TENM3: variants seen among roughly 807,000 people sequenced by gnomAD.
The protein encoded by TENM3 is teneurin transmembrane protein 3.
In TENM3, 63 loss-of-function variants were observed where a neutral mutation model predicts 255.1. The ratio of observed to expected loss-of-function variants is 0.25; its 90% CI spans 0.20 to 0.30. The LOEUF is 0.30. Among genes scored for constraint, TENM3 ranks in the 10% least tolerant of loss-of-function variants. The pLI, the probability that TENM3 is intolerant of heterozygous loss-of-function variation, is 1.00. For missense variants in TENM3, 2,929 were observed against 3,461.1 expected, an observed-to-expected ratio of 0.85 and a Z score of 3.86; for synonymous variants, 1,306 against 1,322.3, an observed-to-expected ratio of 0.99 and a Z score of 0.27.
chr4:181,830,266 T>TTTTG, the TENM3 span, among the ~76,000 whole-genome samples: 4 of 152,036 alleles, frequency 2.6e-5, no homozygotes, highest in African/African-American at 7.2e-5. Context: ...TTTTTTGTTT[T>TTTTG]TTTGTTTGTT....
rs187989168 is a variant in TENM3, at chr4:182,403,492, C to T, written c.511+56563C>T. Among the ~76,000 whole-genome samples, 680 of 152,242 alleles carry T rather than the reference C, an allele frequency of 4.5e-3. 4 individuals are homozygous for T. The highest frequency in any genetic ancestry group is 7.0e-3 in the Non-Finnish European group (478 of 68,016). On this transcript the variant is annotated intron_variant, in intron 3 of 27. Transcript: ENST00000511685. ...ATGTTATGTCTCAAAGAATTTTAGACAGATAGGGACACACTATCTGATGGT... is the reference window on the plus strand; with the variant it reads ...ATGTTATGTCTCAAAGAATTTTAGATAGATAGGGACACACTATCTGATGGT...
chr4:181,730,351 C>A, the TENM3 span, among the ~76,000 whole-genome samples: 2 of 152,152 alleles, frequency 1.3e-5, no homozygotes, highest in African/African-American at 4.8e-5. Context: ...AATGCATGTC[C>A]TTTCCACAAT....
At chr4:182,465,642 A>T (rs911262981) in intron 3 of TENM3, among the ~76,000 whole-genome samples, 2 of 152,132 alleles carry the variant, frequency 1.3e-5, no homozygotes, top group Admixed American at 6.6e-5. Context: ...AGCTATTTAT[A>T]AAAAAAGTAT....
At chr4:182,241,457 A>G (rs1451371266), upstream of TENM3, among the ~76,000 whole-genome samples, 1 of 137,346 alleles carries the variant, frequency 7.3e-6, no homozygotes, top group African/African-American at 3.2e-5. Flanking sequence ...CCTTGGCTCC[A>G]TTAATTTTTT....
the TENM3 span, among the ~76,000 whole-genome samples, chr4:181,955,575 G>A: frequency 1.3e-5 from 2 of 152,172 alleles, no homozygotes; most frequent in African/African-American, 4.8e-5. Context: ...AGTGATAAAA[G>A]GATGGTCTGA....
chr4:182,567,945 T>G (rs1277368424), intron 3 of TENM3, among the ~76,000 whole-genome samples: 1 of 152,192 alleles, frequency 6.6e-6, no homozygotes, highest in East Asian at 1.9e-4. Flanking sequence ...TCAAAAGTAT[T>G]TCTTCATAGA....
chr4:182,303,762 T>C lies in TENM3; in HGVS notation c.-75-20184T>C, dbSNP rs564848824. The stretch of plus-strand genomic sequence containing the variant: ...TAAGGCATGTAAAGTGGACATTTAA[T>C]GAGGTACTCAATACATTTTAGCTAT... On this transcript the variant is annotated intron_variant, in intron 1 of 27. Transcript: ENST00000511685. 1.2e-4 allele frequency among the ~76,000 whole-genome samples: 19 copies of C among 152,340 alleles called. No homozygotes were observed. In the South Asian group the frequency reaches 3.1e-3, roughly 25 times the overall value.
chr4:181,829,012 G>A, the TENM3 span, among the ~76,000 whole-genome samples: 337 of 152,286 alleles, frequency 2.2e-3, no homozygotes, highest in African/African-American at 7.7e-3. Context: ...CCCCAGCCAA[G>A]GTGACATGGA....
the TENM3 span, among the ~76,000 whole-genome samples, chr4:181,451,882 A>G: frequency 6.6e-6 from 1 of 152,152 alleles, no homozygotes; most frequent in East Asian, 1.9e-4. Flanking sequence ...AGAATAGTGA[A>G]TGAGATTGCT....
At chr4:181,608,137 T>G in the TENM3 span, among the ~76,000 whole-genome samples, 2 of 152,216 alleles carry the variant, frequency 1.3e-5, no homozygotes, top group African/African-American at 4.8e-5. Context: ...TCTTGTTTCT[T>G]TAGAGGTAAG....
chr4:182,448,827 G>A (rs529916012), intron 3 of TENM3, among the ~76,000 whole-genome samples: 82 of 151,630 alleles, frequency 5.4e-4, no homozygotes, highest in Middle Eastern at 3.5e-3. Flanking sequence ...GAGGGGGTGA[G>A]GCGGCGGCCG....
rs1579867164 is a variant in TENM3 at position 182,243,941 on chromosome 4, G to GTTTTCT, written c.-76+470_-76+475dup. 8.4e-5 allele frequency among the ~76,000 whole-genome samples: 9 copies of GTTTTCT among 107,404 alleles called. No homozygotes were observed. The East Asian group carries it at 2.0e-3, about 24-fold the overall frequency. The allele number at this position is 107,404 out of a possible 152,430, so 70.5% of individuals were successfully genotyped here. On this transcript the variant is annotated intron_variant, in intron 1 of 27. Transcript: ENST00000511685. ...CTCTTCCAAGAATGGAATCATTTGT[G>GTTTTCT]TTTTCTTTTTTTTTTTTTTTTTTTT... is the stretch of plus-strand genomic sequence containing the variant.
the TENM3 span, among the ~76,000 whole-genome samples, chr4:181,919,057 G>T: frequency 6.6e-6 from 1 of 152,084 alleles, no homozygotes; most frequent in Non-Finnish European, 1.5e-5. Context: ...CCACCTCAAA[G>T]GTATGAAACA....
chr4:182,345,131 T>G (rs1033851585), intron 2 of TENM3, among the ~76,000 whole-genome samples: 8 of 152,218 alleles, frequency 5.3e-5, no homozygotes, highest in African/African-American at 1.9e-4. Context: ...ATGAGTGTCA[T>G]TGTCGGAATC....
intron 3 of TENM3, among the ~76,000 whole-genome samples, chr4:182,450,220 T>A (rs1773333685): frequency 6.6e-6 from 1 of 152,224 alleles, no homozygotes; most frequent in Non-Finnish European, 1.5e-5. Flanking sequence ...TTCTCTGGTT[T>A]TAAATGTTTC....
chr4:181,508,377 C>T, the TENM3 span, among the ~76,000 whole-genome samples: 134 of 152,254 alleles, frequency 8.8e-4, no homozygotes, highest in Middle Eastern at 3.4e-3. Context: ...CACTGGAACT[C>T]CAAAGAGGAT....
chr4:182,074,422 A>T, the TENM3 span, among the ~76,000 whole-genome samples: 1 of 152,144 alleles, frequency 6.6e-6, no homozygotes. Context: ...ACGCATTGAA[A>T]CCTATTTTTA....
At chr4:182,051,465 C>T in the TENM3 span, among the ~76,000 whole-genome samples, 8 of 151,272 alleles carry the variant, frequency 5.3e-5, no homozygotes, top group Admixed American at 5.3e-4. Flanking sequence ...GCAACCTCCG[C>T]CTCCTGGGTT....
At position 182,669,355 on chromosome 4, in the gene TENM3, C is replaced by T. The variant is rs182602955; in HGVS notation, c.1112-3650C>T. On this transcript the variant is annotated intron_variant, in intron 6 of 27. Coordinates refer to ENST00000511685, the MANE Select transcript of TENM3 (RefSeq NM_001080477.4). ...CGCGATCTCGGCTCACTGCAAGCTC[C>T]GCCTCCCAGGTTCACGCCATTCTCC... is the stretch of plus-strand genomic sequence containing the variant. Among the ~76,000 whole-genome samples the T allele has an allele frequency of 4.2e-3, 638 of 152,084 alleles. 1 individual carries two copies. Among genetic ancestry groups the T allele is most frequent in the African/African-American group, 0.015 (605 of 41,480 alleles).
Sources: allele counts gnomAD v4.1 joint callset (sites outside exome capture counted in the v4.1 genomes callset), GRCh38; gene constraint gnomAD v4.1.1; transcripts MANE v1.5; gene names NCBI Gene and HGNC (gene_info 2026-07-23, HGNC 2026-07-21).